The following RBFOX1 variants were observed in gnomAD, a reference collection of about 807,000 sequenced individuals.
RBFOX1 encodes the protein RNA binding protein fox-1 homolog 1.
RBFOX1 carries 8 observed loss-of-function variants against 57.7 expected under a neutral mutation model. The observed-to-expected ratio is 0.14, with a 90% CI of 0.08 to 0.25. The LOEUF (loss-of-function observed/expected upper bound fraction) is 0.25, where lower values mean the gene tolerates loss of function less well. Ranked by LOEUF, RBFOX1 falls within the 10% of genes least tolerant of loss-of-function variation. RBFOX1 has a pLI of 1.00. For missense variants in RBFOX1, 611 were observed against 548.5 expected, an observed-to-expected ratio of 1.11 and a Z score of -1.14; for synonymous variants, 326 against 222.4, an observed-to-expected ratio of 1.47 and a Z score of -4.15.
chr16:5,519,796 G>A (rs1445107544), intron 2 of RBFOX1, among the ~76,000 whole-genome samples: 1 of 152,204 alleles, frequency 6.6e-6, no homozygotes, highest in Non-Finnish European at 1.5e-5. Flanking sequence ...CTTGTTCCCT[G>A]AGAACTCAGT....
intron 3 of RBFOX1, among the ~76,000 whole-genome samples, chr16:5,852,926 C>G (rs570940524): frequency 6.6e-6 from 1 of 152,174 alleles, no homozygotes; most frequent in African/African-American, 2.4e-5. Context: ...ACTACTGCCC[C>G]TCCTCTAGGG....
chr16:6,838,873 C>T (rs577361615), intron 3 of RBFOX1, among the ~76,000 whole-genome samples: 29 of 152,190 alleles, frequency 1.9e-4, no homozygotes, highest in South Asian at 1.9e-3. Flanking sequence ...CACTGAGAAT[C>T]TCACCCACAG....
At chr16:6,852,787 C>T (rs1055652463) in intron 3 of RBFOX1, among the ~76,000 whole-genome samples, 49 of 151,844 alleles carry the variant, frequency 3.2e-4, no homozygotes, top group African/African-American at 1.1e-3. Flanking sequence ...GAGGTACATG[C>T]TGGGAACTAG....
intron 3 of RBFOX1, among the ~76,000 whole-genome samples, chr16:6,693,115 C>G (rs1010639692): frequency 7.0e-6 from 1 of 143,768 alleles, no homozygotes; most frequent in Non-Finnish European, 1.5e-5. Flanking sequence ...CTCATCCTCC[C>G]CCACCATCAC....
intron 3 of RBFOX1, among the ~76,000 whole-genome samples, chr16:6,871,591 C>G (rs1229966638): frequency 6.6e-6 from 1 of 151,982 alleles, no homozygotes; most frequent in African/African-American, 2.4e-5. Flanking sequence ...TTGCTTCTCT[C>G]CATTCTCCTT....
At chr16:5,856,563 A>G (rs12709145) in intron 3 of RBFOX1, among the ~76,000 whole-genome samples, 40,480 of 64,362 alleles carry the variant, frequency 0.63, 13,274 homozygotes, top group Admixed American at 0.68. Context: ...GTGTGTGTGT[A>G]TGTGTGTGTG....
chr16:6,876,429 C>G (rs1012914918), intron 3 of RBFOX1, among the ~76,000 whole-genome samples: 13 of 59,374 alleles, frequency 2.2e-4, no homozygotes, highest in African/African-American at 1.1e-3. Flanking sequence ...AACAAAGTCA[C>G]TCTTAAAAAT....
At chr16:5,795,945 A>G (rs761768935) in intron 3 of RBFOX1, among the ~76,000 whole-genome samples, 9 of 152,204 alleles carry the variant, frequency 5.9e-5, no homozygotes, top group Non-Finnish European at 1.2e-4. Flanking sequence ...CACCAGTTGC[A>G]TCAATAGTCC....
chr16:6,899,977 T>G (rs1191699374), intron 3 of RBFOX1, among the ~76,000 whole-genome samples: 1 of 152,196 alleles, frequency 6.6e-6, no homozygotes, highest in African/African-American at 2.4e-5. Flanking sequence ...AAGGTTAATT[T>G]GCCTTTCTGT....
rs752870662 is a variant in RBFOX1, at chr16:6,500,892, T to TGTTTGTTTGTTTGTTTG, written c.-63-153711_-63-153710insGTTTGTTTGTTTGTTTG. On this transcript the variant is annotated intron_variant, in intron 2 of 15. Transcript: ENST00000550418. ...TGGGGAGTAGTTTTTTTTTTTTTTT[T>TGTTTGTTTGTTTGTTTG]TTTTTTTTTAATGCTGAGACATCCT... Among the ~76,000 whole-genome samples, 71 of 25,800 alleles carry TGTTTGTTTGTTTGTTTG rather than the reference T, an allele frequency of 2.8e-3. No homozygotes were observed. The East Asian group carries it at 0.032, about 12-fold the overall frequency. 16.9% of individuals were successfully genotyped at this position (25,800 alleles called of 152,430 possible). A position where few individuals can be genotyped will look rare whatever the true frequency, so the allele number is the denominator to read the frequency against.
intron 1 of RBFOX1, among the ~76,000 whole-genome samples, chr16:6,167,867 G>A (rs1430766871): frequency 6.6e-6 from 1 of 152,090 alleles, no homozygotes; most frequent in African/African-American, 2.4e-5. Flanking sequence ...TCCGGGATGG[G>A]GTCAAGGAGG....
intron 4 of RBFOX1, among the ~76,000 whole-genome samples, chr16:5,941,673 C>G (rs569198194): frequency 1.3e-5 from 2 of 151,902 alleles, no homozygotes; most frequent in Non-Finnish European, 2.9e-5. Context: ...CTGGGGCATC[C>G]CACTTAGTCA....
At chr16:6,057,081 G>T (rs1195200153) in intron 1 of RBFOX1, 8 of 137,224 alleles carry the variant, frequency 5.8e-5, no homozygotes, top group Middle Eastern at 7.1e-3. Context: ...ACACAGGAGG[G>T]GGGGGAATAT....
chr16:6,899,460 G>C (rs138261407), intron 3 of RBFOX1, among the ~76,000 whole-genome samples: 210 of 152,228 alleles, frequency 1.4e-3, no homozygotes, highest in African/African-American at 5.0e-3. Context: ...TACGGCCATT[G>C]GTTGGTCTGT....
At chr16:6,789,283 A>C (rs1424997182) in intron 3 of RBFOX1, among the ~76,000 whole-genome samples, 1 of 152,208 alleles carries the variant, frequency 6.6e-6, no homozygotes, top group Non-Finnish European at 1.5e-5. Flanking sequence ...GAACTTAAAT[A>C]CAGCAGTTGA....
chr16:6,004,652 A>G lies in RBFOX1; in HGVS notation c.351+137317A>G, dbSNP rs184436021. On this transcript the variant is annotated intron_variant, in intron 4 of 19. Coordinates refer to the RBFOX1 transcript ENST00000641259. ...AGCCTTTCATTTTATTTCTCTCTCC[A>G]GAATGGTCTATTTAATGCCCCTTGC... Among the ~76,000 whole-genome samples the G allele has an allele frequency of 3.3e-3, 510 of 152,322 alleles. 1 individual carries two copies. Among genetic ancestry groups the G allele is most frequent in the African/African-American group, 0.012 (482 of 41,564 alleles).
At chr16:6,889,345 GT>G (rs2064882183) in intron 3 of RBFOX1, among the ~76,000 whole-genome samples, 1 of 152,198 alleles carries the variant, frequency 6.6e-6, no homozygotes, top group Non-Finnish European at 1.5e-5. Context: ...GAGTATGCAT[GT>G]GCCTCATTTT....
chr16:6,029,570 G>A (rs1419033818), intron 1 of RBFOX1, among the ~76,000 whole-genome samples: 1 of 151,370 alleles, frequency 6.6e-6, no homozygotes, highest in South Asian at 2.1e-4. Context: ...TCAGGAGATC[G>A]AGACCATCCT....
In RBFOX1 at chr16:5,467,156, A is replaced by T. The variant is rs73528605; in HGVS notation, c.220-60A>T. The T allele has an allele frequency of 1.0e-3, 1,436 of 1,407,890 alleles. 14 individuals carry two copies. In the African/African-American group the frequency reaches 0.019, roughly 18 times the overall value. 87.2% of individuals were successfully genotyped at this position (1,407,890 alleles called of 1,614,324 possible). A position where few individuals can be genotyped will look rare whatever the true frequency, so the allele number is the denominator to read the frequency against. On this transcript the variant is annotated intron_variant, in intron 1 of 2. Transcript: ENST00000585867. ...AAACAAAGCCAAAGCAATTGTTTCA[A>T]TGTAGACTCAATGTTTCTTCTCTCT...
Sources: gnomAD v4.1 joint callset for allele counts (sites outside exome capture counted in the v4.1 genomes callset) on GRCh38, gnomAD v4.1.1 for gene constraint, MANE v1.5 for transcripts, NCBI Gene and HGNC (gene_info 2026-07-23, HGNC 2026-07-21) for gene names.